Variants in LTBP1 observed in about 807,000 individuals in gnomAD.
LTBP1 encodes the protein latent-transforming growth factor beta-binding protein 1.
Under a neutral mutation model 207.6 loss-of-function variants are expected in LTBP1, and 129 were observed. The ratio of observed to expected loss-of-function variants is 0.62; its 90% CI spans 0.54 to 0.72. The LOEUF (loss-of-function observed/expected upper bound fraction) is 0.72. Ranked by LOEUF, LTBP1 falls within the 30% of genes least tolerant of loss-of-function variation. The probability of loss-of-function intolerance (pLI) is 0.00; values close to 1 mark genes in which losing one functional copy is unlikely to be tolerated. For synonymous variants in LTBP1, 963 were observed against 833.7 expected (o/e 1.16, Z -2.67); for missense variants, 2,281 against 2,217.2 (o/e 1.03, Z -0.58).
intron 5 of LTBP1, among the ~76,000 whole-genome samples, chr2:33,135,422 T>G (rs996341397): frequency 2.0e-5 from 3 of 152,198 alleles, no homozygotes; most frequent in Admixed American, 2.0e-4. Flanking sequence ...CTCCGAGGAT[T>G]GTCAAAAACC....
At chr2:33,336,897 T>G (rs1257399739) in intron 24 of LTBP1, among the ~76,000 whole-genome samples, 1 of 152,194 alleles carries the variant, frequency 6.6e-6, no homozygotes, top group East Asian at 1.9e-4. Flanking sequence ...CTTTCCAATA[T>G]ACATCATTTT....
chr2:33,276,354 C>G (rs1389590101), intron 18 of LTBP1, among the ~76,000 whole-genome samples: 1 of 152,192 alleles, frequency 6.6e-6, no homozygotes. Context: ...TACTTTCTCA[C>G]AGACTCCCCA....
intron 19 of LTBP1, among the ~76,000 whole-genome samples, chr2:33,282,813 C>G (rs1211873417): frequency 1.3e-5 from 2 of 152,092 alleles, no homozygotes; most frequent in Non-Finnish European, 2.9e-5. Context: ...GCCTGTAATC[C>G]CAGCACTTTG....
At chr2:33,227,914 C>T (rs1274761095) in intron 9 of LTBP1, among the ~76,000 whole-genome samples, 5 of 148,960 alleles carry the variant, frequency 3.4e-5, no homozygotes, top group Non-Finnish European at 5.9e-5. Context: ...AAGCAATTCT[C>T]CTGCCTCAGC....
chr2:32,972,610 T>A (rs1317891840), intron 2 of LTBP1, among the ~76,000 whole-genome samples: 1 of 152,172 alleles, frequency 6.6e-6, no homozygotes, highest in Non-Finnish European at 1.5e-5. Context: ...CTCAGCCAAA[T>A]CTCATCCCAA....
chr2:33,263,574 A>T (rs1277537900), intron 15 of LTBP1, among the ~76,000 whole-genome samples, 182 bp downstream of exon 15: 1 of 152,254 alleles, frequency 6.6e-6, no homozygotes, highest in Non-Finnish European at 1.5e-5. Context: ...TATAGTATAT[A>T]TGAAACAGAA....
At chr2:33,077,725 A>G (rs1228817613) in intron 3 of LTBP1, among the ~76,000 whole-genome samples, 2 of 152,236 alleles carry the variant, frequency 1.3e-5, no homozygotes, top group Non-Finnish European at 2.9e-5. Context: ...AAACCGTATC[A>G]AAACGCATTG....
intron 5 of LTBP1, among the ~76,000 whole-genome samples, chr2:33,143,317 T>C (rs551884483): frequency 1.3e-3 from 193 of 152,342 alleles, no homozygotes; most frequent in African/African-American, 4.6e-3. Context: ...CCACTCCATC[T>C]TGGCACCTCC....
chr2:33,264,601 A>G (rs1558911416), intron 15 of LTBP1, among the ~76,000 whole-genome samples: 1 of 152,214 alleles, frequency 6.6e-6, no homozygotes, highest in Non-Finnish European at 1.5e-5. Flanking sequence ...ATTTGTAGGA[A>G]AAAACAATAC....
intron 5 of LTBP1, among the ~76,000 whole-genome samples, chr2:33,141,929 T>C (rs1277262295): frequency 1.3e-5 from 2 of 152,162 alleles, no homozygotes; most frequent in African/African-American, 4.8e-5. Flanking sequence ...GGCAACCAAT[T>C]CTTGTTCTTT....
chr2:33,161,769 G>A (rs1178503486), intron 5 of LTBP1, among the ~76,000 whole-genome samples: 2 of 151,984 alleles, frequency 1.3e-5, no homozygotes, highest in African/African-American at 4.8e-5. Flanking sequence ...GTTTATTTTG[G>A]GCATATTAAA....
chr2:33,045,230 G>T (rs2076388286), intron 3 of LTBP1, among the ~76,000 whole-genome samples: 1 of 151,992 alleles, frequency 6.6e-6, no homozygotes, highest in Non-Finnish European at 1.5e-5. Flanking sequence ...TTTCTTCTAG[G>T]GTTTTTATGG....
chr2:32,981,772 A>C (rs1361178010), intron 2 of LTBP1, among the ~76,000 whole-genome samples: 1 of 152,152 alleles, frequency 6.6e-6, no homozygotes, highest in African/African-American at 2.4e-5. Flanking sequence ...AAAGTCTCAC[A>C]AGATCTGATG....
rs761448671 is a variant in LTBP1, at chr2:33,397,221, A to G, written c.4923A>G (p.Glu1641=). The G allele has an allele frequency of 6.2e-6, 10 of 1,614,204 alleles. No homozygotes were observed. The highest frequency in any genetic ancestry group is 8.5e-6 in the Non-Finnish European group (10 of 1,180,032). ...ATGGTCGCTGTGTGAGGGTCCAGGA[A>G]GGTTACACCTGCGATTGCTTTGATG... ...CENGRCVRVQ[E]GYTCDCFDGY... Residue 1641 remains glutamate (E), a synonymous_variant, in exon 33 of 34, where the codon GAA becomes GAG. Coordinates refer to ENST00000404816, the MANE Select transcript of LTBP1 (RefSeq NM_206943.4).
At chr2:33,214,031 A>G (rs909929985) in intron 7 of LTBP1, among the ~76,000 whole-genome samples, 2 of 152,226 alleles carry the variant, frequency 1.3e-5, no homozygotes, top group African/African-American at 2.4e-5. Flanking sequence ...TGAAAATTGG[A>G]TTTTAACTGC....
At chr2:33,265,726 G>A (rs151111819) in intron 15 of LTBP1, among the ~76,000 whole-genome samples, 2 of 152,038 alleles carry the variant, frequency 1.3e-5, no homozygotes, top group African/African-American at 2.4e-5. Flanking sequence ...AGATTTAAGT[G>A]TTTTATTTTA....
chr2:33,187,162 C>G (rs2087301295), intron 6 of LTBP1, 82 bp downstream of exon 6: 1 of 1,219,106 alleles, frequency 8.2e-7, no homozygotes, highest in Non-Finnish European at 1.2e-6. Flanking sequence ...CTGCGGGTGG[C>G]CAGGGCTGGT....
chr2:33,129,208 T>C (rs1049578079), intron 4 of LTBP1, among the ~76,000 whole-genome samples: 1 of 152,228 alleles, frequency 6.6e-6, no homozygotes, highest in Admixed American at 6.5e-5. Context: ...CTGTCCTTTT[T>C]TGTAAAATAT....
chr2:32,954,655 G>T (rs1479359686), intron 2 of LTBP1, among the ~76,000 whole-genome samples: 3 of 141,624 alleles, frequency 2.1e-5, no homozygotes, highest in Non-Finnish European at 4.6e-5. Flanking sequence ...TCAACACTTT[G>T]TTTTTTTTTT....
Sources: allele counts gnomAD v4.1 joint callset (sites outside exome capture counted in the v4.1 genomes callset), GRCh38; gene constraint gnomAD v4.1.1; transcripts MANE v1.5; gene names NCBI Gene and HGNC (gene_info 2026-07-23, HGNC 2026-07-21).